The following CELF2 variants were observed in gnomAD, a reference collection of about 807,000 sequenced individuals.
The protein encoded by CELF2 is CUG triplet repeat RNA-binding protein 2.
A neutral mutation model predicts 62.6 loss-of-function variants in CELF2; 8 were observed. That is an observed-to-expected ratio of 0.13 (90% confidence interval 0.07 to 0.23). CELF2 has a LOEUF of 0.23. Ranked by LOEUF, CELF2 falls within the 10% of genes least tolerant of loss-of-function variation. The pLI, the probability that CELF2 is intolerant of heterozygous loss-of-function variation, is 1.00. For synonymous variants in CELF2, 258 were observed against 250.0 expected (o/e 1.03, Z -0.30); for missense variants, 333 against 671.0 (o/e 0.50, Z 5.56).
chr10:11,239,784 C>T (rs986557070), intron 3 of CELF2, among the ~76,000 whole-genome samples: 4 of 151,988 alleles, frequency 2.6e-5, no homozygotes, highest in Non-Finnish European at 4.4e-5. Flanking sequence ...TCTGACAAGG[C>T]ACAGTGGGTC....
chr10:10,735,857 C>A, the CELF2 span, among the ~76,000 whole-genome samples: 120 of 152,228 alleles, frequency 7.9e-4, no homozygotes, highest in East Asian at 1.7e-3. Context: ...TTTATTAGAG[C>A]AGCAAGGGGT....
chr10:10,761,950 G>A, the CELF2 span, among the ~76,000 whole-genome samples: 2 of 147,924 alleles, frequency 1.4e-5, no homozygotes, highest in South Asian at 2.2e-4. Context: ...GTGTGTGTGT[G>A]TGTGTAGACA....
At chr10:10,675,804 T>G in the CELF2 span, among the ~76,000 whole-genome samples, 1 of 152,220 alleles carries the variant, frequency 6.6e-6, no homozygotes, top group South Asian at 2.1e-4. Context: ...GTGGCATGTC[T>G]TTCAGCTTCC....
the CELF2 span, among the ~76,000 whole-genome samples, chr10:10,629,836 A>ACCATT: frequency 6.8e-6 from 1 of 147,598 alleles, no homozygotes; most frequent in Non-Finnish European, 1.5e-5. Flanking sequence ...GCCTAGGCAA[A>ACCATT]CCATTGCAAA....
chr10:10,825,451 C>T (rs973008918), intron 1 of CELF2, among the ~76,000 whole-genome samples: 2 of 152,162 alleles, frequency 1.3e-5, no homozygotes, highest in African/African-American at 4.8e-5. Context: ...ACCTTGTGAT[C>T]TGTCCACCTC....
At chr10:11,040,465 T>C (rs535156025) in intron 1 of CELF2, among the ~76,000 whole-genome samples, 2 of 152,344 alleles carry the variant, frequency 1.3e-5, no homozygotes, top group African/African-American at 4.8e-5. Context: ...ATTTTAATTA[T>C]GGAGCCTAGA....
chr10:11,140,976 A>G lies in CELF2; in HGVS notation c.75-24510A>G, dbSNP rs557443162. Among the ~76,000 whole-genome samples, 3 of 152,356 alleles carry G rather than the reference A, an allele frequency of 2.0e-5. No homozygotes were observed. In the South Asian group the frequency reaches 6.2e-4, roughly 32 times the overall value. ...AGGCTACAGTGAGCGTGATCACACC[A>G]CTGCCCTCCAGCCTGCGTGACAGAA... On this transcript the variant is annotated intron_variant, in intron 1 of 12. Coordinates refer to ENST00000633077, the MANE Select transcript of CELF2 (RefSeq NM_001326342.2).
intron 1 of CELF2, among the ~76,000 whole-genome samples, chr10:10,833,794 T>C (rs968494425): frequency 1.3e-5 from 2 of 152,150 alleles, no homozygotes; most frequent in African/African-American, 4.8e-5. Flanking sequence ...ATGGCTATTA[T>C]TGAAAAGTCA....
the CELF2 span, among the ~76,000 whole-genome samples, chr10:10,561,721 C>A: frequency 6.6e-6 from 1 of 152,144 alleles, no homozygotes; most frequent in Non-Finnish European, 1.5e-5. Context: ...CCACTGTGCC[C>A]AGTCTCAATC....
intron 1 of CELF2, among the ~76,000 whole-genome samples, chr10:10,817,066 G>A (rs905161428): frequency 2.6e-5 from 4 of 152,194 alleles, no homozygotes; most frequent in African/African-American, 4.8e-5. Context: ...CCAACATGGC[G>A]GGCAGTGGAC....
At chr10:10,581,563 G>A in the CELF2 span, among the ~76,000 whole-genome samples, 1,717 of 152,172 alleles carry the variant, frequency 0.011, 62 homozygotes, top group East Asian at 0.099. Context: ...CTCACATTCA[G>A]GCAAACCAGG....
the CELF2 span, among the ~76,000 whole-genome samples, chr10:10,523,370 G>A: frequency 6.6e-6 from 1 of 152,064 alleles, no homozygotes; most frequent in Admixed American, 6.6e-5. Flanking sequence ...TTTTTAAATG[G>A]GATATTATGC....
chr10:10,494,453 C>A, the CELF2 span, among the ~76,000 whole-genome samples: 2 of 152,326 alleles, frequency 1.3e-5, no homozygotes, highest in East Asian at 3.9e-4. Flanking sequence ...ATTACAAGTT[C>A]TCTTAATACT....
chr10:10,834,693 C>A (rs1264418329), intron 1 of CELF2, among the ~76,000 whole-genome samples: 1 of 152,204 alleles, frequency 6.6e-6, no homozygotes, highest in African/African-American at 2.4e-5. Flanking sequence ...CTTTCCTCTG[C>A]ATAACAATGA....
chr10:10,789,325 GT>G, the CELF2 span, among the ~76,000 whole-genome samples: 1 of 151,936 alleles, frequency 6.6e-6, no homozygotes, highest in East Asian at 1.9e-4. Context: ...ACCAAAACAT[GT>G]TTTTGATTGT....
intron 1 of CELF2, among the ~76,000 whole-genome samples, chr10:10,802,911 G>T (rs2054817523): frequency 6.6e-6 from 1 of 152,076 alleles, no homozygotes; most frequent in African/African-American, 2.4e-5. Flanking sequence ...TATCTATAAT[G>T]TCCCCCCAAG....
chr10:11,228,718 CAAAAAAAA>C (rs56167230), intron 3 of CELF2, among the ~76,000 whole-genome samples: 4 of 135,166 alleles, frequency 3.0e-5, no homozygotes, highest in African/African-American at 1.1e-4. Context: ...GCGCCCCTCG[CAAAAAAAA>C]AAAAAAAAAA....
In CELF2 at chr10:11,191,424, C is replaced by T. The variant is rs552058185; in HGVS notation, c.271+25742C>T. ...GTGGGAGGTACCCCAGGCAATGAAACGGAGAGGTGTCTCCTGGTGTTGCAG... is the reference window on the plus strand; with the variant it reads ...GTGGGAGGTACCCCAGGCAATGAAATGGAGAGGTGTCTCCTGGTGTTGCAG... On this transcript the variant is annotated intron_variant, in intron 2 of 12. Coordinates refer to ENST00000633077, the MANE Select transcript of CELF2 (RefSeq NM_001326342.2). This position sits in a 1 kb window ranked among gnomAD's most constrained non-coding sequence, Gnocchi z 4.1. Among the ~76,000 whole-genome samples, 41 of 152,282 alleles carry T rather than the reference C, an allele frequency of 2.7e-4. No homozygotes were observed. The Middle Eastern group carries it at 0.01, about 38-fold the overall frequency.
At chr10:10,614,678 A>G in the CELF2 span, among the ~76,000 whole-genome samples, 1 of 152,164 alleles carries the variant, frequency 6.6e-6, no homozygotes, top group Non-Finnish European at 1.5e-5. Flanking sequence ...AGATGGGCCC[A>G]GCCTTATCTT....
Sources: gnomAD v4.1 joint callset for allele counts (sites outside exome capture counted in the v4.1 genomes callset) on GRCh38, gnomAD v4.1.1 for gene constraint, Gnocchi (gnomAD v3.1) non-coding constraint, MANE v1.5 for transcripts, NCBI Gene and HGNC (gene_info 2026-07-23, HGNC 2026-07-21) for gene names.